RBFOX1: variants seen among roughly 807,000 people sequenced by gnomAD.
The protein encoded by RBFOX1 is RNA binding protein fox-1 homolog 1.
A neutral mutation model predicts 57.7 loss-of-function variants in RBFOX1; 8 were observed. The observed-to-expected ratio is 0.14, with a 90% confidence interval of 0.08 to 0.25. The LOEUF is 0.25. RBFOX1 is among the 10% of genes least tolerant of loss of function. RBFOX1 has a pLI of 1.00. For synonymous variants in RBFOX1, 326 were observed against 222.4 expected, an observed-to-expected ratio of 1.47 and a Z score of -4.15; for missense variants, 611 against 548.5, an observed-to-expected ratio of 1.11 and a Z score of -1.14.
intron 1 of RBFOX1, among the ~76,000 whole-genome samples, chr16:5,295,972 T>C (rs893551494): frequency 4.6e-5 from 7 of 152,234 alleles, no homozygotes; most frequent in African/African-American, 1.7e-4. Flanking sequence ...TTCATAAATA[T>C]TAACTTCACT....
chr16:5,527,042 A>G (rs891793702), intron 2 of RBFOX1, among the ~76,000 whole-genome samples: 1 of 152,158 alleles, frequency 6.6e-6, no homozygotes, highest in Non-Finnish European at 1.5e-5. Flanking sequence ...GGACGGTGCC[A>G]TGTGTCAGTG....
chr16:6,494,626 G>T (rs1054356200), intron 2 of RBFOX1, among the ~76,000 whole-genome samples: 1 of 152,202 alleles, frequency 6.6e-6, no homozygotes, highest in African/African-American at 2.4e-5. Flanking sequence ...CACACATAAA[G>T]CTGTCTTGAA....
At chr16:6,172,626 C>G (rs538129038) in intron 1 of RBFOX1, among the ~76,000 whole-genome samples, 2 of 152,262 alleles carry the variant, frequency 1.3e-5, no homozygotes, top group South Asian at 2.1e-4. Context: ...TTCTGTCCCT[C>G]TGGATTATTC....
chr16:7,436,106 A>C (rs975676953), intron 4 of RBFOX1, among the ~76,000 whole-genome samples: 1 of 152,180 alleles, frequency 6.6e-6, no homozygotes, highest in Non-Finnish European at 1.5e-5. Context: ...AGTGTAACTC[A>C]AGATAGCCTT....
chr16:6,920,466 C>T (rs149862182), intron 3 of RBFOX1, among the ~76,000 whole-genome samples: 40 of 152,224 alleles, frequency 2.6e-4, no homozygotes, highest in African/African-American at 8.2e-4. Flanking sequence ...TAGATGTGTC[C>T]TAGACATTAA....
intron 4 of RBFOX1, among the ~76,000 whole-genome samples, chr16:7,188,925 A>C (rs1012077664): frequency 3.9e-5 from 6 of 152,162 alleles, no homozygotes; most frequent in Non-Finnish European, 5.9e-5. Context: ...AAGTTCTTTG[A>C]CACCATGAAG....
intron 5 of RBFOX1, among the ~76,000 whole-genome samples, chr16:7,531,269 G>A (rs2080001384): frequency 6.6e-6 from 1 of 152,176 alleles, no homozygotes; most frequent in South Asian, 2.1e-4. Context: ...AACTTCTTGG[G>A]CTGAAAGGAA....
chr16:7,250,578 G>C (rs966843987), intron 4 of RBFOX1, among the ~76,000 whole-genome samples: 1 of 152,216 alleles, frequency 6.6e-6, no homozygotes, highest in Non-Finnish European at 1.5e-5. Context: ...CAAAGACTAA[G>C]AGTATATACC....
chr16:7,491,696 T>C (rs1367460217), intron 4 of RBFOX1, among the ~76,000 whole-genome samples: 2 of 152,146 alleles, frequency 1.3e-5, no homozygotes, highest in Admixed American at 6.5e-5. Flanking sequence ...AAGTACATGA[T>C]TGTGGCTCAC....
chr16:7,328,440 A>G (rs1246987496), intron 4 of RBFOX1, among the ~76,000 whole-genome samples: 1 of 135,286 alleles, frequency 7.4e-6, no homozygotes, highest in Non-Finnish European at 1.5e-5. Flanking sequence ...AGATCATGCC[A>G]TTGCACTCTA....
intron 4 of RBFOX1, among the ~76,000 whole-genome samples, chr16:7,184,797 A>G (rs183219290): frequency 3.9e-5 from 6 of 152,336 alleles, no homozygotes; most frequent in East Asian, 1.9e-4. Flanking sequence ...TTGTGCCTCT[A>G]TGTATCAACT....
intron 4 of RBFOX1, among the ~76,000 whole-genome samples, chr16:7,090,751 C>T (rs1031730273): frequency 4.6e-5 from 7 of 152,106 alleles, no homozygotes; most frequent in African/African-American, 9.7e-5. Flanking sequence ...AACTTGGCCA[C>T]GGTAGGAGGG....
chr16:5,305,095 C>A (rs992385521), intron 1 of RBFOX1, among the ~76,000 whole-genome samples: 1 of 152,088 alleles, frequency 6.6e-6, no homozygotes, highest in African/African-American at 2.4e-5. Context: ...GGGGTAGATA[C>A]TGAACGAAGG....
chr16:6,643,844 G>A, intron 2 of RBFOX1, among the ~76,000 whole-genome samples: 1 of 151,626 alleles, frequency 6.6e-6, no homozygotes. Flanking sequence ...AATCATATAA[G>A]GCTGAGCACG....
intron 4 of RBFOX1, among the ~76,000 whole-genome samples, chr16:7,089,963 T>C (rs1414281254): frequency 3.3e-5 from 5 of 152,050 alleles, no homozygotes; most frequent in South Asian, 2.1e-4. Context: ...ATGCAGGCTG[T>C]TTAAGGAGAT....
rs1047794471 is a variant in RBFOX1, at chr16:7,712,711, G to A, written c.*1966G>A. ...ACCTGGAAAACAGTGTTATGGCAAT[G>A]GGTGCCTGGTTGATGTTCTTAAAGG... On this transcript the variant is annotated 3_prime_UTR_variant, in exon 16 of 16. Coordinates refer to ENST00000550418, the MANE Select transcript of RBFOX1 (RefSeq NM_018723.4). 1 of 152,142 alleles carries A rather than the reference G, an allele frequency of 6.6e-6. No individual in the cohort carries two copies. The highest frequency in any genetic ancestry group is 2.4e-5 in the African/African-American group (1 of 41,420). The allele number at this position is 152,142 out of a possible 1,614,324, so 9.4% of individuals were successfully genotyped here. A position where few individuals can be genotyped will look rare whatever the true frequency, so the allele number is the denominator to read the frequency against.
At chr16:7,286,466 T>C (rs1165173400) in intron 4 of RBFOX1, among the ~76,000 whole-genome samples, 6 of 150,086 alleles carry the variant, frequency 4.0e-5, no homozygotes, top group Non-Finnish European at 5.9e-5. Flanking sequence ...TTTTTTTTTT[T>C]TGAGATGGAG....
At chr16:5,350,198 T>A (rs114835762) in intron 1 of RBFOX1, among the ~76,000 whole-genome samples, 2,240 of 152,216 alleles carry the variant, frequency 0.015, 54 homozygotes, top group African/African-American at 0.051. Flanking sequence ...AGCTGTCTGG[T>A]AAGAAGGTTA....
intron 1 of RBFOX1, among the ~76,000 whole-genome samples, chr16:6,100,939 A>G (rs771834276): frequency 6.6e-6 from 1 of 152,124 alleles, no homozygotes; most frequent in Non-Finnish European, 1.5e-5. Context: ...AATCTTCCCT[A>G]CAGGCACAAA....
Sources: gnomAD v4.1 joint callset for allele counts (sites outside exome capture counted in the v4.1 genomes callset) on GRCh38, gnomAD v4.1.1 for gene constraint, MANE v1.5 for transcripts, NCBI Gene and HGNC (gene_info 2026-07-23, HGNC 2026-07-21) for gene names.